Variants in PCDH15 observed in about 807,000 individuals in gnomAD.
PCDH15 encodes the protein protocadherin related 15, also known as protocadherin-15.
PCDH15 carries 129 observed loss-of-function variants against 178.5 expected under a neutral mutation model. That is an observed-to-expected ratio of 0.72 (90% CI 0.63 to 0.84). The LOEUF (loss-of-function observed/expected upper bound fraction) is 0.84, where lower values mean the gene tolerates loss of function less well. Among genes scored for constraint, PCDH15 ranks in the 40% least tolerant of loss-of-function variants. The probability of loss-of-function intolerance (pLI) is 0.00; values close to 1 mark genes in which losing one functional copy is unlikely to be tolerated. For missense variants in PCDH15, 2,230 were observed against 2,099.9 expected, an observed-to-expected ratio of 1.06 and a Z score of -1.21; for synonymous variants, 800 against 732.0, an observed-to-expected ratio of 1.09 and a Z score of -1.50.
intron 21 of PCDH15, among the ~76,000 whole-genome samples, chr10:53,984,371 C>G (rs974642562): frequency 1.3e-5 from 2 of 151,846 alleles, no homozygotes; most frequent in Admixed American, 6.6e-5. Flanking sequence ...AGGATGGTCT[C>G]GATCTCCTGA....
chr10:55,553,047 A>G (rs909832542), intron 2 of PCDH15, among the ~76,000 whole-genome samples: 2 of 151,698 alleles, frequency 1.3e-5, no homozygotes, highest in Non-Finnish European at 3.0e-5. Flanking sequence ...CAGAGTACAC[A>G]TGAAAGTTTT....
intron 5 of PCDH15, among the ~76,000 whole-genome samples, chr10:54,358,488 C>A (rs1017957935): frequency 6.6e-6 from 1 of 152,098 alleles, no homozygotes; most frequent in African/African-American, 2.4e-5. Flanking sequence ...GTTAGAATGG[C>A]AATCATTAAA....
intron 2 of PCDH15, among the ~76,000 whole-genome samples, chr10:54,985,583 C>T (rs1169731775): frequency 1.3e-5 from 2 of 152,154 alleles, no homozygotes; most frequent in African/African-American, 4.8e-5. Flanking sequence ...CACGTTACAC[C>T]ATAGAGTACT....
At chr10:55,567,085 T>G (rs985272372) in intron 2 of PCDH15, among the ~76,000 whole-genome samples, 1 of 151,962 alleles carries the variant, frequency 6.6e-6, no homozygotes, top group African/African-American at 2.4e-5. Context: ...GACAGACATA[T>G]GGACCGGTGT....
chr10:54,856,882 C>G (rs1262084162), intron 3 of PCDH15, among the ~76,000 whole-genome samples: 1 of 152,176 alleles, frequency 6.6e-6, no homozygotes, highest in East Asian at 1.9e-4. Context: ...GTGATAAGAA[C>G]TGTTGTGGCA....
chr10:53,810,645 C>T lies in PCDH15; in HGVS notation c.4582G>A (p.Gly1528Arg), dbSNP rs1485192569. ...GGTGGTAACAATCGACGGCGACTCC[C>T]ATATTGAGGCATTTCATACCTGTAA... The part of the protein sequence containing the change: ...YEHGYEMPQY[G>R]SRRRLLPPAG... The change falls in exon 37 of 38, where the codon GGG becomes AGG. Residue 1528 changes from glycine to arginine, a missense_variant. Coordinates refer to ENST00000644397, the MANE Select transcript of PCDH15 (RefSeq NM_001384140.1). 2 of 1,613,628 alleles carry T rather than the reference C, an allele frequency of 1.2e-6. No homozygotes were observed. Among genetic ancestry groups the T allele is most frequent in the African/African-American group, 2.7e-5 (2 of 74,910 alleles).
intron 1 of PCDH15, among the ~76,000 whole-genome samples, chr10:55,292,613 C>A (rs561635186): frequency 6.6e-6 from 1 of 152,234 alleles, no homozygotes; most frequent in African/African-American, 2.4e-5. Flanking sequence ...AAATTCTAAC[C>A]TCAGGTGATC....
chr10:55,420,054 G>T (rs7922792), intron 2 of PCDH15, among the ~76,000 whole-genome samples: 1 of 151,360 alleles, frequency 6.6e-6, no homozygotes, highest in Non-Finnish European at 1.5e-5. Flanking sequence ...CTGGGTAGAT[G>T]AGGGTTGACT....
intron 16 of PCDH15, among the ~76,000 whole-genome samples, chr10:54,081,455 G>A (rs1167338883): frequency 1.3e-5 from 2 of 152,034 alleles, no homozygotes; most frequent in Non-Finnish European, 2.9e-5. Context: ...AATTGTCTAT[G>A]GTCTGGTGAT....
chr10:55,530,827 C>T (rs1159688641), intron 2 of PCDH15, among the ~76,000 whole-genome samples: 1 of 151,880 alleles, frequency 6.6e-6, no homozygotes, highest in Non-Finnish European at 1.5e-5. Context: ...TATTTTAAAA[C>T]TAATTATACA....
intron 25 of PCDH15, among the ~76,000 whole-genome samples, chr10:53,906,693 A>C (rs2133712743): frequency 6.6e-6 from 1 of 152,332 alleles, no homozygotes; most frequent in South Asian, 2.1e-4. Context: ...ACCACAAAAT[A>C]ATCAGGAAGT....
intron 2 of PCDH15, among the ~76,000 whole-genome samples, chr10:55,019,539 G>A (rs1840272340): frequency 6.6e-6 from 1 of 151,940 alleles, no homozygotes; most frequent in African/African-American, 2.4e-5. Flanking sequence ...ACTGCACTGT[G>A]TGCAAGTGCC....
At chr10:55,386,462 C>T (rs1056703970) in intron 2 of PCDH15, among the ~76,000 whole-genome samples, 3 of 151,898 alleles carry the variant, frequency 2.0e-5, no homozygotes, top group African/African-American at 7.2e-5. Flanking sequence ...TGAAAATATG[C>T]TCATCTCACT....
rs1469221801 is a variant in PCDH15, at chr10:53,903,247, A to C, written c.3497T>G (p.Val1166Gly). Reference protein sequence around the residue: ...DARMFTSVLRVKATDKDTGNY... With the variant: ...DARMFTSVLRGKATDKDTGNY... ...TATTAACATAATTCCGCATACCTTC[A>C]CTCTGAGTACAGAAGTAAACATTCT... The change falls in exon 26 of 38, where the codon GTG becomes GGG. Residue 1166 changes from valine to glycine, a missense_variant. By Grantham distance (109) the Val-to-Gly change is moderately radical. Coordinates refer to ENST00000644397, the MANE Select transcript of PCDH15 (RefSeq NM_001384140.1). 1 of 1,612,786 alleles carries C rather than the reference A, an allele frequency of 6.2e-7. No individual in the cohort carries two copies. Among genetic ancestry groups the C allele is most frequent in the Admixed American group, 1.7e-5 (1 of 59,980 alleles).
intron 2 of PCDH15, among the ~76,000 whole-genome samples, chr10:55,577,077 G>C (rs1402341368): frequency 6.6e-6 from 1 of 151,850 alleles, no homozygotes; most frequent in Non-Finnish European, 1.5e-5. Context: ...CCCTGTCTCT[G>C]CTAAAAATAC....
intron 1 of PCDH15, among the ~76,000 whole-genome samples, chr10:55,195,493 A>G (rs867629550): frequency 0.11 from 16,264 of 149,158 alleles, 1,221 homozygotes; most frequent in Non-Finnish European, 0.16. Flanking sequence ...ATACAAAAAA[A>G]AAAAAAAAAA....
intron 2 of PCDH15, among the ~76,000 whole-genome samples, chr10:55,018,004 G>A (rs1023698457): frequency 2.0e-5 from 3 of 151,952 alleles, no homozygotes; most frequent in Non-Finnish European, 4.4e-5. Flanking sequence ...AACCTTCAAA[G>A]TAAGCAACAA....
At chr10:55,328,913 C>CATAT (rs56104592) in intron 2 of PCDH15, among the ~76,000 whole-genome samples, 4,970 of 110,852 alleles carry the variant, frequency 0.045, 142 homozygotes, top group East Asian at 0.068. Context: ...TTCACACAAA[C>CATAT]ATATATATAT....
At chr10:55,289,092 T>C (rs1180190406) in intron 1 of PCDH15, among the ~76,000 whole-genome samples, 1 of 152,052 alleles carries the variant, frequency 6.6e-6, no homozygotes, top group Non-Finnish European at 1.5e-5. Context: ...TTTGCAATAA[T>C]TATCTGTTAA....
Sources: allele counts gnomAD v4.1 joint callset (sites outside exome capture counted in the v4.1 genomes callset), GRCh38; gene constraint gnomAD v4.1.1; transcripts MANE v1.5; gene names NCBI Gene and HGNC (gene_info 2026-07-23, HGNC 2026-07-21).